Variants in USP24 observed in about 807,000 individuals in gnomAD.
The protein encoded by USP24 is ubiquitin carboxyl-terminal hydrolase 24.
A neutral mutation model predicts 361.6 loss-of-function variants in USP24; 97 were observed. The ratio of observed to expected loss-of-function variants is 0.27; its 90% CI spans 0.23 to 0.32. USP24 has a LOEUF of 0.32. USP24 is among the 10% of genes least tolerant of loss of function. USP24 has a pLI of 1.00. For missense variants in USP24, 2,353 were observed against 3,165.6 expected (o/e 0.74, Z 6.16); for synonymous variants, 1,098 against 1,124.6 (o/e 0.98, Z 0.47).
rs144603601 is a variant in USP24, at chr1:55,100,005, G to A, written c.5272-136C>T. 2.4e-3 allele frequency: 1,543 copies of A among 630,460 alleles called. 11 individuals carry two copies. Among genetic ancestry groups the A allele is most frequent in the Non-Finnish European group, 1.7e-3 (643 of 369,004 alleles). The allele number at this position is 630,460 out of a possible 1,614,324, so 39.1% of individuals were successfully genotyped here. On this transcript the variant is annotated intron_variant, in intron 44 of 67. Transcript: ENST00000294383. ...AGGATGTGGACATTTCTAGTGAAGT[G>A]AGACTAGCTTGTATTCAGCCATCCA... is the stretch of plus-strand genomic sequence containing the variant.
intron 20 of USP24, 112 bp downstream of exon 20, chr1:55,145,886 A>G (rs775587353): frequency 7.0e-6 from 5 of 709,368 alleles, no homozygotes; most frequent in Non-Finnish European, 1.2e-5. Context: ...AAATTCTAGA[A>G]GGATATTCCT....
intron 16 of USP24, among the ~76,000 whole-genome samples, chr1:55,149,765 T>C (rs1647141675): frequency 6.6e-6 from 1 of 152,134 alleles, no homozygotes; most frequent in Admixed American, 6.5e-5. Flanking sequence ...AGGTATTTGT[T>C]CTTCTACCTA....
At chr1:55,107,473 T>A in intron 39 of USP24, 43 bp from the exon 40 acceptor site, 1 of 1,502,956 alleles carries the variant, frequency 6.7e-7, no homozygotes, top group South Asian at 1.3e-5. Context: ...AAGAAGGATT[T>A]CCCTTTATGG....
In USP24 at chr1:55,154,002, C is replaced by G. The variant is rs576606356; in HGVS notation, c.1813-85G>C. Reference sequence around the variant, plus strand: ...CCGATCTTGGACTTTAAGGTAAGAGCTTCCAGATATGGCATTTAGTTTAAT... The same window carrying G: ...CCGATCTTGGACTTTAAGGTAAGAGGTTCCAGATATGGCATTTAGTTTAAT... On this transcript the variant is annotated intron_variant, in intron 15 of 67. Coordinates refer to ENST00000294383, the MANE Select transcript of USP24 (RefSeq NM_015306.3). The G allele has an allele frequency of 1.6e-5, 25 of 1,553,246 alleles. No homozygotes were observed. The East Asian group carries it at 3.2e-4, about 20-fold the overall frequency.
At chr1:55,101,454 G>A in intron 43 of USP24, 130 bp downstream of exon 43, 1 of 1,247,868 alleles carries the variant, frequency 8.0e-7, no homozygotes, top group Non-Finnish European at 1.1e-6. Flanking sequence ...ACACATTTCA[G>A]GAGCTACTAA....
At chr1:55,189,211 G>C (rs900161204) in intron 1 of USP24, among the ~76,000 whole-genome samples, 1 of 152,142 alleles carries the variant, frequency 6.6e-6, no homozygotes, top group Non-Finnish European at 1.5e-5. Context: ...ATGAGTGTTC[G>C]TGGCAGCATT....
At chr1:55,097,463 G>A in intron 48 of USP24, 135 bp downstream of exon 48, 1 of 1,330,244 alleles carries the variant, frequency 7.5e-7, no homozygotes, top group Non-Finnish European at 1.0e-6. Context: ...AGCTGCCTAA[G>A]ATAAGGGGCT....
At position 55,126,897 on chromosome 1, in the gene USP24, C is replaced by G. The variant is rs77036030; in HGVS notation, c.3636-1139G>C. 3.3e-3 allele frequency among the ~76,000 whole-genome samples: 510 copies of G among 152,310 alleles called. 4 individuals are homozygous for G. The highest frequency in any genetic ancestry group is 0.012 in the African/African-American group (496 of 41,558). ...TCACCCAGAGGAAATGGTATGCCTA[C>G]TTCTTTCTAGAGAAAAGCTGCTTCC... On this transcript the variant is annotated intron_variant, in intron 32 of 67. Transcript: ENST00000294383.
intron 1 of USP24, among the ~76,000 whole-genome samples, chr1:55,207,722 C>G (rs112198805): frequency 3.5e-4 from 53 of 152,256 alleles, no homozygotes; most frequent in African/African-American, 1.3e-3. Context: ...CTGGAACCAG[C>G]CCCCTATGGC....
chr1:55,173,013 T>C (rs1431518327), intron 3 of USP24, among the ~76,000 whole-genome samples: 1 of 152,200 alleles, frequency 6.6e-6, no homozygotes, highest in Non-Finnish European at 1.5e-5. Flanking sequence ...TAAGGCATTA[T>C]TAATATATCT....
At chr1:55,169,330 G>T (rs1323321854) in intron 5 of USP24, among the ~76,000 whole-genome samples, 1 of 152,008 alleles carries the variant, frequency 6.6e-6, no homozygotes, top group Non-Finnish European at 1.5e-5. Context: ...GGGTCACAGA[G>T]GACAGAATGA....
chr1:55,126,931 T>A (rs1646447862), intron 32 of USP24, among the ~76,000 whole-genome samples: 1 of 152,174 alleles, frequency 6.6e-6, no homozygotes, highest in Non-Finnish European at 1.5e-5. Context: ...CCAACTGCAG[T>A]ACAAGTTGAC....
intron 7 of USP24, among the ~76,000 whole-genome samples, chr1:55,165,496 A>G (rs2100779367): frequency 6.6e-6 from 1 of 152,264 alleles, no homozygotes; most frequent in African/African-American, 2.4e-5. Context: ...CAACTCTGTT[A>G]AAAGTATTTT....
chr1:55,098,668 G>C (rs1239211129), intron 45 of USP24, 110 bp from the exon 46 acceptor site: 22 of 760,296 alleles, frequency 2.9e-5, no homozygotes, highest in East Asian at 1.9e-4. Flanking sequence ...GCGTCATTCT[G>C]GTAGTATCAG....
intron 25 of USP24, 28 bp downstream of exon 25, chr1:55,138,916 T>C (rs1570514318): frequency 6.2e-7 from 1 of 1,606,074 alleles, no homozygotes; most frequent in Non-Finnish European, 8.5e-7. Flanking sequence ...CTAAGCAACA[T>C]ACATCTTAAA....
chr1:55,133,879 C>T (rs1462838370), intron 30 of USP24, among the ~76,000 whole-genome samples, 191 bp downstream of exon 30: 1 of 152,154 alleles, frequency 6.6e-6, no homozygotes, highest in Non-Finnish European at 1.5e-5. Context: ...GCCATCCTCC[C>T]ACCTTGGCCT....
In USP24 at chr1:55,157,284, T is replaced by C; in HGVS notation, c.1314A>G (p.Glu438=). Reference sequence around the variant, plus strand: ...CCAGTGCAATCGACAGAACTGAGTTTTCAACTAGCCAATCTAATAATCTGT... The same window carrying C: ...CCAGTGCAATCGACAGAACTGAGTTCTCAACTAGCCAATCTAATAATCTGT... ...DTDRLLDWLV[E]NSVLSIALEG... The change falls in exon 11 of 68, where the codon GAA becomes GAG. Residue 438 remains glutamate (E), a synonymous_variant. Transcript: ENST00000294383. 6.2e-7 allele frequency: 1 copy of C among 1,602,502 alleles called. No homozygotes were observed. Among genetic ancestry groups the C allele is most frequent in the Non-Finnish European group, 8.5e-7 (1 of 1,177,016 alleles).
intron 51 of USP24, 134 bp downstream of exon 51, chr1:55,095,121 T>C (rs1011332751): frequency 5.3e-6 from 6 of 1,138,762 alleles, no homozygotes; most frequent in South Asian, 4.0e-5. Flanking sequence ...AGGGATTTAT[T>C]TTCTTTTTGG....
At chr1:55,108,931 T>C (rs1176721628) in intron 39 of USP24, among the ~76,000 whole-genome samples, 1 of 152,226 alleles carries the variant, frequency 6.6e-6, no homozygotes, top group Non-Finnish European at 1.5e-5. Flanking sequence ...TCACACTGTA[T>C]TAACTCCCTC....
Sources: allele counts gnomAD v4.1 joint callset (sites outside exome capture counted in the v4.1 genomes callset), GRCh38; gene constraint gnomAD v4.1.1; transcripts MANE v1.5; gene names NCBI Gene and HGNC (gene_info 2026-07-23, HGNC 2026-07-21).